SRGAP3: variants seen among roughly 807,000 people sequenced by gnomAD.
The protein encoded by SRGAP3 is SLIT-ROBO Rho GTPase activating protein 3, also known as SLIT-ROBO Rho GTPase-activating protein 3.
Under a neutral mutation model 121.1 loss-of-function variants are expected in SRGAP3, and 39 were observed. That is an observed-to-expected ratio of 0.32 (90% CI 0.25 to 0.42). The LOEUF (loss-of-function observed/expected upper bound fraction) is 0.42. Among genes scored for constraint, SRGAP3 ranks in the 10% least tolerant of loss-of-function variants. The pLI, the probability that SRGAP3 is intolerant of heterozygous loss-of-function variation, is 1.00. For missense variants in SRGAP3, 1,213 were observed against 1,470.6 expected, an observed-to-expected ratio of 0.82 and a Z score of 2.86; for synonymous variants, 601 against 570.0, an observed-to-expected ratio of 1.05 and a Z score of -0.77.
chr3:9,226,232 T>C (rs1021801919), intron 1 of SRGAP3, among the ~76,000 whole-genome samples: 4 of 152,256 alleles, frequency 2.6e-5, no homozygotes, highest in African/African-American at 7.2e-5. Context: ...CATTTCCATT[T>C]TGAGCCTCTT....
chr3:9,324,911 C>T (rs990541060), intron 3 of SRGAP3, among the ~76,000 whole-genome samples: 2 of 151,212 alleles, frequency 1.3e-5, no homozygotes, highest in Admixed American at 6.6e-5. Flanking sequence ...GAGCCGAGAT[C>T]GCGCCACTGC....
intron 2 of SRGAP3, among the ~76,000 whole-genome samples, chr3:9,119,228 C>T (rs528132015): frequency 3.2e-4 from 49 of 152,324 alleles, no homozygotes; most frequent in Middle Eastern, 3.4e-3. Flanking sequence ...CTCTTTTCCT[C>T]CATTCCTCTC....
chr3:9,067,724 G>C (rs1398223118), intron 4 of SRGAP3, among the ~76,000 whole-genome samples: 1 of 152,118 alleles, frequency 6.6e-6, no homozygotes, highest in Non-Finnish European at 1.5e-5. Flanking sequence ...TGGGCCTATA[G>C]GTGCAGCAAA....
chr3:9,148,136 G>A (rs548265152), intron 1 of SRGAP3, among the ~76,000 whole-genome samples: 6 of 152,236 alleles, frequency 3.9e-5, no homozygotes, highest in African/African-American at 1.2e-4. Context: ...AATCACCAAG[G>A]GCATCAACTT....
At chr3:9,356,524 C>T (rs2125297121) in intron 1 of SRGAP3, among the ~76,000 whole-genome samples, 1 of 151,976 alleles carries the variant, frequency 6.6e-6, no homozygotes, top group Middle Eastern at 3.4e-3. Flanking sequence ...AGGCGCCCGC[C>T]ACCACATCCG....
At chr3:9,010,816 CAGG>C (rs1479649423) in intron 17 of SRGAP3, among the ~76,000 whole-genome samples, 3 of 152,128 alleles carry the variant, frequency 2.0e-5, no homozygotes, top group African/African-American at 7.2e-5. Flanking sequence ...TGACATATCC[CAGG>C]AGGTAAGATG....
intron 3 of SRGAP3, among the ~76,000 whole-genome samples, chr3:9,098,365 G>A (rs149575490): frequency 1.5e-3 from 230 of 152,250 alleles, no homozygotes; most frequent in Non-Finnish European, 2.9e-3. Context: ...TCAACTTCCT[G>A]GACTCAAATG....
At chr3:9,210,395 G>A (rs112384982) in intron 1 of SRGAP3, among the ~76,000 whole-genome samples, 9 of 152,312 alleles carry the variant, frequency 5.9e-5, no homozygotes, top group African/African-American at 2.2e-4. Context: ...GCCAAGGCTG[G>A]AGTATCGCTT....
chr3:9,057,181 G>T (rs553873802), intron 7 of SRGAP3, among the ~76,000 whole-genome samples: 1 of 152,118 alleles, frequency 6.6e-6, no homozygotes, highest in South Asian at 2.1e-4. Flanking sequence ...CACCCATCTC[G>T]GCCTCCCAAG....
At chr3:9,053,675 C>T (rs1210550520) in intron 8 of SRGAP3, among the ~76,000 whole-genome samples, 3 of 152,226 alleles carry the variant, frequency 2.0e-5, no homozygotes, top group African/African-American at 7.2e-5. Flanking sequence ...AGCCATTCTT[C>T]GTGCAACAAA....
intron 3 of SRGAP3, among the ~76,000 whole-genome samples, chr3:9,316,384 C>T (rs1433705532): frequency 2.0e-5 from 3 of 147,768 alleles, no homozygotes; most frequent in East Asian, 2.2e-4. Flanking sequence ...ATAGGCCAGG[C>T]GCGGTGGCTC....
intron 1 of SRGAP3, among the ~76,000 whole-genome samples, chr3:9,362,151 CA>C (rs1344918644): frequency 6.8e-6 from 1 of 146,418 alleles, no homozygotes; most frequent in Non-Finnish European, 1.5e-5. Flanking sequence ...GGCTACCATG[CA>C]GGTTCAACTC....
chr3:9,021,415 G>T (rs886828535), intron 14 of SRGAP3, among the ~76,000 whole-genome samples: 4 of 151,436 alleles, frequency 2.6e-5, no homozygotes, highest in African/African-American at 4.9e-5. Flanking sequence ...TTCATGATGT[G>T]TTTTTTTTTC....
intron 18 of SRGAP3, chr3:9,007,017 G>A (rs966672042): frequency 9.2e-5 from 13 of 142,000 alleles, no homozygotes; most frequent in African/African-American, 2.9e-4. Context: ...CTGGAGTACA[G>A]TGGCACAATC....
intron 15 of SRGAP3, among the ~76,000 whole-genome samples, chr3:9,015,332 C>A (rs1943581419): frequency 6.6e-6 from 1 of 152,212 alleles, no homozygotes; most frequent in South Asian, 2.1e-4. Flanking sequence ...CTGCTCCCAG[C>A]ACTCTCTCTT....
At chr3:9,090,184 TTC>T (rs1408964672) in intron 3 of SRGAP3, among the ~76,000 whole-genome samples, 11 of 152,110 alleles carry the variant, frequency 7.2e-5, no homozygotes, top group African/African-American at 2.7e-4. Flanking sequence ...AGCATCAGCT[TTC>T]AAAGAGTTCC....
chr3:9,211,851 T>C (rs866133820), intron 1 of SRGAP3, among the ~76,000 whole-genome samples: 1 of 151,904 alleles, frequency 6.6e-6, no homozygotes, highest in South Asian at 2.1e-4. Context: ...AATTTTTTTA[T>C]TCTTTGTAGA....
intron 18 of SRGAP3, among the ~76,000 whole-genome samples, chr3:9,000,612 T>C (rs1033853020): frequency 1.3e-5 from 2 of 152,234 alleles, no homozygotes; most frequent in Non-Finnish European, 2.9e-5. Flanking sequence ...AATCCAGTGA[T>C]GGTTCATGAA....
At chr3:9,299,686 G>A (rs1281194277) in intron 3 of SRGAP3, among the ~76,000 whole-genome samples, 1 of 152,148 alleles carries the variant, frequency 6.6e-6, no homozygotes, top group African/African-American at 2.4e-5. Context: ...GAGGCAGGTG[G>A]ATCATCTGAG....
Sources: gnomAD v4.1 joint callset for allele counts (sites outside exome capture counted in the v4.1 genomes callset) on GRCh38, gnomAD v4.1.1 for gene constraint, MANE v1.5 for transcripts, NCBI Gene and HGNC (gene_info 2026-07-23, HGNC 2026-07-21) for gene names.